TCERG1L: variants seen among roughly 807,000 people sequenced by gnomAD.
The protein encoded by TCERG1L is transcription elongation regulator 1-like protein.
A neutral mutation model predicts 56.3 loss-of-function variants in TCERG1L; 37 were observed. The observed-to-expected ratio is 0.66, with a 90% CI of 0.51 to 0.87. The LOEUF (loss-of-function observed/expected upper bound fraction) is 0.87. Among genes scored for constraint, TCERG1L ranks in the 40% least tolerant of loss-of-function variants. The pLI is 0.00. For synonymous variants in TCERG1L, 324 were observed against 326.3 expected (o/e 0.99, Z 0.08); for missense variants, 799 against 774.2 (o/e 1.03, Z -0.38).
At chr10:131,148,445 TACAC>T in intron 6 of TCERG1L, among the ~76,000 whole-genome samples, 1 of 139,294 alleles carries the variant, frequency 7.2e-6, no homozygotes, top group Non-Finnish European at 1.5e-5. Flanking sequence ...CATGCAGAGA[TACAC>T]ACATAAACAC....
chr10:131,190,525 A>T (rs1845291813), intron 4 of TCERG1L, among the ~76,000 whole-genome samples: 1 of 145,416 alleles, frequency 6.9e-6, no homozygotes, highest in African/African-American at 2.6e-5. Flanking sequence ...TCCTTAAGAA[A>T]ACACTAGCTA....
chr10:131,276,264 C>T (rs1259323335), intron 3 of TCERG1L, among the ~76,000 whole-genome samples: 2 of 152,198 alleles, frequency 1.3e-5, no homozygotes, highest in African/African-American at 4.8e-5. Context: ...AAAAGATTAA[C>T]CCTTTGCCCT....
intron 4 of TCERG1L, among the ~76,000 whole-genome samples, chr10:131,201,135 G>A (rs1178230571): frequency 6.6e-6 from 1 of 152,180 alleles, no homozygotes; most frequent in Non-Finnish European, 1.5e-5. Context: ...GGGACACATT[G>A]GAACCATCAC....
rs150339791 is a variant in TCERG1L at position 131,118,320 on chromosome 10, C to T, written c.1260-1386G>A. Reference sequence around the variant, plus strand: ...CCTTACCCGCTCCTTTCAAAACCAGCTCACCCTGGGATCTGGATTGTGAGT... The same window carrying T: ...CCTTACCCGCTCCTTTCAAAACCAGTTCACCCTGGGATCTGGATTGTGAGT... On this transcript the variant is annotated intron_variant, in intron 8 of 11. Transcript: ENST00000368642. This position sits in a 1 kb window ranked among gnomAD's most constrained non-coding sequence, Gnocchi z 4.2. Among the ~76,000 whole-genome samples the T allele has an allele frequency of 7.2e-5, 11 of 152,300 alleles. No homozygotes were observed. The East Asian group carries it at 2.1e-3, about 29-fold the overall frequency.
intron 11 of TCERG1L, among the ~76,000 whole-genome samples, chr10:131,097,200 CAAA>C (rs1161006867): frequency 4.1e-4 from 37 of 91,030 alleles, no homozygotes; most frequent in East Asian, 1.3e-3. Context: ...GGGTCTGTCT[CAAA>C]AAAAAAAAAA....
intron 8 of TCERG1L, among the ~76,000 whole-genome samples, chr10:131,133,818 C>T (rs892488878): frequency 6.6e-5 from 10 of 152,206 alleles, no homozygotes; most frequent in African/African-American, 2.4e-4. Context: ...CAAACCGTGA[C>T]CAGCGACTTG....
intron 4 of TCERG1L, among the ~76,000 whole-genome samples, chr10:131,192,260 A>C (rs1845313114): frequency 6.9e-6 from 1 of 144,542 alleles, no homozygotes; most frequent in East Asian, 1.9e-4. Context: ...AATGGACAAC[A>C]ACCATGAAAA....
chr10:131,201,776 A>G (rs545767855), intron 4 of TCERG1L, among the ~76,000 whole-genome samples: 8 of 152,198 alleles, frequency 5.3e-5, no homozygotes, highest in Admixed American at 4.6e-4. Context: ...CGGGACTGTA[A>G]TGACCTTCTA....
chr10:131,291,781 TA>T (rs200688300), intron 3 of TCERG1L, among the ~76,000 whole-genome samples: 102 of 145,914 alleles, frequency 7.0e-4, no homozygotes, highest in Non-Finnish European at 6.8e-4. Flanking sequence ...ATAGTAACTG[TA>T]AAAAAAAAAA....
chr10:131,142,226 G>C (rs931269608), intron 7 of TCERG1L, among the ~76,000 whole-genome samples: 12 of 152,222 alleles, frequency 7.9e-5, no homozygotes, highest in Non-Finnish European at 1.0e-4. Flanking sequence ...GGATCCAGGT[G>C]GGCAGAGCCT....
At chr10:131,148,434 A>G (rs1044298636) in intron 6 of TCERG1L, among the ~76,000 whole-genome samples, 1 of 152,088 alleles carries the variant, frequency 6.6e-6, no homozygotes, top group African/African-American at 2.4e-5. Context: ...AGAGACACAC[A>G]CATGCAGAGA....
At chr10:131,180,052 A>G (rs1845153669) in intron 4 of TCERG1L, among the ~76,000 whole-genome samples, 2 of 152,198 alleles carry the variant, frequency 1.3e-5, no homozygotes, top group Admixed American at 1.3e-4. Context: ...AAAGACAGAC[A>G]TGGTCTTCCT....
intron 8 of TCERG1L, 85 bp downstream of exon 8, chr10:131,134,294 T>G: frequency 8.2e-7 from 1 of 1,217,216 alleles, no homozygotes. Flanking sequence ...TCATAGTCAA[T>G]GTGGTCAAAA....
chr10:131,209,443 T>C (rs1845591941), intron 4 of TCERG1L, among the ~76,000 whole-genome samples: 1 of 149,186 alleles, frequency 6.7e-6, no homozygotes, highest in South Asian at 2.3e-4. Flanking sequence ...GATTTAAAAA[T>C]AGGAGTTTTA....
rs1845415537 is a variant in TCERG1L, at chr10:131,111,745, C to T, written c.1395+5054G>A. 1.4e-5 allele frequency among the ~76,000 whole-genome samples: 2 copies of T among 143,192 alleles called. 1 individual carries two copies. Among genetic ancestry groups the T allele is most frequent in the Non-Finnish European group, 3.1e-5 (2 of 63,530 alleles). 93.9% of individuals were successfully genotyped at this position (143,192 alleles called of 152,430 possible). ...TATCTTGGGGCCTGCGTGGAATTCA[C>T]TCATGTAAATAATGAATAAAGCTCC... On this transcript the variant is annotated intron_variant, in intron 9 of 11. Coordinates refer to ENST00000368642, the MANE Select transcript of TCERG1L (RefSeq NM_174937.4).
chr10:131,259,901 C>T (rs952836187), intron 4 of TCERG1L, among the ~76,000 whole-genome samples: 7 of 152,226 alleles, frequency 4.6e-5, no homozygotes, highest in South Asian at 2.1e-4. Flanking sequence ...CCAGCCTGCA[C>T]GTCCCGTGCA....
At position 131,169,695 on chromosome 10, in the gene TCERG1L, T is replaced by C. The variant is rs371562595; in HGVS notation, c.857-2810A>G. On this transcript the variant is annotated intron_variant, in intron 4 of 11. Coordinates refer to ENST00000368642, the MANE Select transcript of TCERG1L (RefSeq NM_174937.4). ...TTTTAATTATATGCCACACACTCTA[T>C]GTTTTCAATATGGCAGGTGCCTATA... Among the ~76,000 whole-genome samples, 38 of 152,356 alleles carry C rather than the reference T, an allele frequency of 2.5e-4. No homozygotes were observed. The South Asian group carries it at 2.9e-3, about 12-fold the overall frequency.
intron 4 of TCERG1L, among the ~76,000 whole-genome samples, chr10:131,203,140 T>C (rs1302052759): frequency 3.3e-5 from 5 of 152,178 alleles, no homozygotes; most frequent in Non-Finnish European, 7.3e-5. Flanking sequence ...ATGACAGCAG[T>C]GACGCCTTCT....
intron 5 of TCERG1L, among the ~76,000 whole-genome samples, chr10:131,166,404 C>T (rs1030983163): frequency 1.2e-4 from 18 of 152,386 alleles, no homozygotes; most frequent in African/African-American, 3.1e-4. Flanking sequence ...GTCTTTAAAA[C>T]GCCATTTGGC....
Sources: allele counts gnomAD v4.1 joint callset (sites outside exome capture counted in the v4.1 genomes callset), GRCh38; gene constraint gnomAD v4.1.1; non-coding constraint Gnocchi (gnomAD v3.1); transcripts MANE v1.5; gene names NCBI Gene and HGNC (gene_info 2026-07-23, HGNC 2026-07-21).